The following ATP8B1 variants were observed in gnomAD, a reference collection of about 807,000 sequenced individuals.
The protein encoded by ATP8B1 is phospholipid-transporting ATPase IC.
In ATP8B1, 80 loss-of-function variants were observed where a neutral mutation model predicts 149.9. That is an observed-to-expected ratio of 0.53 (90% CI 0.45 to 0.64). ATP8B1 has a LOEUF of 0.64. ATP8B1 is among the 30% of genes least tolerant of loss of function. The pLI, the probability that ATP8B1 is intolerant of heterozygous loss-of-function variation, is 0.00. For missense variants in ATP8B1, 1,247 were observed against 1,552.6 expected (o/e 0.80, Z 3.31); for synonymous variants, 536 against 562.8 (o/e 0.95, Z 0.67).
At chr18:57,756,653 T>TTCTC (rs112851704) in intron 1 of ATP8B1, among the ~76,000 whole-genome samples, 28,949 of 149,192 alleles carry the variant, frequency 0.19, 2,882 homozygotes, top group South Asian at 0.31. Flanking sequence ...ATGGTATTCC[T>TTCTC]TCTCTCTCTC....
intron 1 of ATP8B1, among the ~76,000 whole-genome samples, chr18:57,777,744 AG>A (rs1409102131): frequency 6.6e-6 from 1 of 151,924 alleles, no homozygotes; most frequent in African/African-American, 2.4e-5. Context: ...AATTTTTTGT[AG>A]TTTTTGTACA....
In ATP8B1 at chr18:57,684,041, G is replaced by A. The variant is rs1195185229; in HGVS notation, c.1625C>T (p.Thr542Ile). Residue 542 changes from threonine (T) to isoleucine (I), a missense_variant, in exon 15 of 28, where the codon ACT becomes ATT. Coordinates refer to ENST00000648908, the MANE Select transcript of ATP8B1 (RefSeq NM_001374385.1). ...AVCHTVMVDRTDGQLNYQAAS... is the reference protein window; with the variant it reads ...AVCHTVMVDRIDGQLNYQAAS... ...GATGCCAGAGAAACACTCACCATCA[G>A]TCCTATCCACCATGACTGTGTGGCA... The A allele has an allele frequency of 1.9e-6, 3 of 1,614,042 alleles. No individual in the cohort carries two copies. Among genetic ancestry groups the A allele is most frequent in the Non-Finnish European group, 1.7e-6 (2 of 1,180,030 alleles).
chr18:57,788,638 C>T (rs1484493348), intron 1 of ATP8B1, among the ~76,000 whole-genome samples: 1 of 152,120 alleles, frequency 6.6e-6, no homozygotes, highest in Admixed American at 6.6e-5. Context: ...AGTACCCTAA[C>T]CCAGTTCCTG....
intron 16 of ATP8B1, among the ~76,000 whole-genome samples, chr18:57,674,551 A>G (rs1273349151): frequency 6.6e-6 from 1 of 151,388 alleles, no homozygotes; most frequent in Non-Finnish European, 1.5e-5. Flanking sequence ...CGCCCGGCTA[A>G]TTTTTTTTGT....
At chr18:57,687,256 C>T (rs1912297247) in intron 13 of ATP8B1, among the ~76,000 whole-genome samples, 1 of 152,190 alleles carries the variant, frequency 6.6e-6, no homozygotes, top group Non-Finnish European at 1.5e-5. Flanking sequence ...CCCCTGACTC[C>T]AGCCCCTGGT....
At chr18:57,713,792 A>AT (rs1221252967) in intron 2 of ATP8B1, among the ~76,000 whole-genome samples, 1 of 55,806 alleles carries the variant, frequency 1.8e-5, no homozygotes, top group Non-Finnish European at 3.8e-5. Context: ...GCCCGGCCTA[A>AT]TTTTTTTTAT....
intron 1 of ATP8B1, chr18:57,732,171 GTATATATGTGTATATA>G (rs1293812012): frequency 0.013 from 1,300 of 102,286 alleles, 164 homozygotes; most frequent in South Asian, 0.027. Flanking sequence ...ATGTATATAT[GTATATATGTGTATATA>G]TGTATATATG....
intron 1 of ATP8B1, among the ~76,000 whole-genome samples, chr18:57,741,710 A>T (rs1447913308): frequency 6.6e-6 from 1 of 152,186 alleles, no homozygotes; most frequent in East Asian, 1.9e-4. Context: ...TACACATACC[A>T]TTAGTCACAA....
chr18:57,793,292 C>G (rs2080480929), intron 1 of ATP8B1, among the ~76,000 whole-genome samples: 2 of 152,136 alleles, frequency 1.3e-5, no homozygotes, highest in Non-Finnish European at 2.9e-5. Flanking sequence ...TGTGTCCGAT[C>G]CCATTCTCTC....
intron 1 of ATP8B1, among the ~76,000 whole-genome samples, chr18:57,776,205 A>G (rs2080304886): frequency 6.6e-6 from 1 of 152,104 alleles, no homozygotes; most frequent in African/African-American, 2.4e-5. Context: ...TTTGGAACCG[A>G]TACTACACGT....
chr18:57,716,235 C>CTT (rs1165864039), intron 2 of ATP8B1, among the ~76,000 whole-genome samples: 2 of 151,784 alleles, frequency 1.3e-5, no homozygotes, highest in Non-Finnish European at 2.9e-5. Context: ...TTAAAGCACA[C>CTT]CACAAGAGAA....
chr18:57,759,711 C>T (rs2080128459), intron 1 of ATP8B1, among the ~76,000 whole-genome samples: 1 of 151,448 alleles, frequency 6.6e-6, no homozygotes, highest in Admixed American at 6.6e-5. Flanking sequence ...CTACTCTACT[C>T]GGGAGGCTGA....
chr18:57,694,750 C>T (rs573397584), intron 10 of ATP8B1, 80 bp from the exon 11 acceptor site: 5 of 1,007,746 alleles, frequency 5.0e-6, no homozygotes, highest in Middle Eastern at 2.1e-4. Context: ...CTCTTCTTGG[C>T]CAGGCATGGT....
chr18:57,704,559 A>G lies in ATP8B1; in HGVS notation c.389T>C (p.Leu130Ser). 2 of 1,574,850 alleles carry G rather than the reference A, an allele frequency of 1.3e-6. No individual in the cohort carries two copies. The highest frequency in any genetic ancestry group is 1.7e-6 in the Non-Finnish European group (2 of 1,144,504). Residue 130 changes from leucine (L) to serine (S), a missense_variant, in exon 4 of 28, where the codon TTA becomes TCA. Leu to Ser is a moderately radical substitution (Grantham distance 145). This residue lies in a region of ATP8B1 where 853 missense variants were observed against 1,035.7 expected (regional missense o/e 0.82). Coordinates refer to ENST00000648908, the MANE Select transcript of ATP8B1 (RefSeq NM_001374385.1). Reference protein sequence around the residue: ...ANLYFLALLILQAVPQISTLA... With the variant: ...ANLYFLALLISQAVPQISTLA... The stretch of plus-strand genomic sequence containing the variant: ...TAAGATAGCAAAGGGCATTACCTGT[A>G]AGATAAGAAGAGCCAGGAAATATAA...
chr18:57,754,409 G>C (rs1402455144), intron 1 of ATP8B1, among the ~76,000 whole-genome samples: 1 of 150,446 alleles, frequency 6.6e-6, no homozygotes, highest in East Asian at 1.9e-4. Context: ...CTGCACTCCA[G>C]CTTGGGTGAC....
intron 1 of ATP8B1, among the ~76,000 whole-genome samples, chr18:57,770,509 A>G (rs1391049931): frequency 6.6e-6 from 1 of 152,194 alleles, no homozygotes; most frequent in African/African-American, 2.4e-5. Flanking sequence ...CGTGAGACAC[A>G]AGGCTCCTTT....
intron 15 of ATP8B1, among the ~76,000 whole-genome samples, chr18:57,683,150 T>C (rs554649969): frequency 1.3e-5 from 2 of 152,320 alleles, no homozygotes; most frequent in Admixed American, 6.5e-5. Flanking sequence ...TTTTTATGCA[T>C]ATTCCTTCTC....
intron 20 of ATP8B1, among the ~76,000 whole-genome samples, chr18:57,663,446 C>T (rs1181431068): frequency 6.6e-6 from 1 of 152,118 alleles, no homozygotes; most frequent in Non-Finnish European, 1.5e-5. Flanking sequence ...TGTGGATATA[C>T]CCAGAAGTGG....
chr18:57,711,565 A>G (rs1349439218), intron 2 of ATP8B1, among the ~76,000 whole-genome samples: 3 of 152,130 alleles, frequency 2.0e-5, no homozygotes, highest in Non-Finnish European at 4.4e-5. Context: ...GGAAGGACAT[A>G]TTTTGAGAAA....
Sources: gnomAD v4.1 joint callset for allele counts (sites outside exome capture counted in the v4.1 genomes callset) on GRCh38, gnomAD v4.1.1 for gene constraint, gnomAD v4.1.1 regional missense constraint, MANE v1.5 for transcripts, NCBI Gene and HGNC (gene_info 2026-07-23, HGNC 2026-07-21) for gene names.